PTAR1: variants seen among roughly 807,000 people sequenced by gnomAD.
PTAR1 encodes the protein protein prenyltransferase alpha subunit repeat-containing protein 1.
PTAR1 carries 17 observed loss-of-function variants against 45.5 expected under a neutral mutation model. That is an observed-to-expected ratio of 0.37 (90% CI 0.26 to 0.56). The LOEUF is 0.56. PTAR1 is among the 20% of genes least tolerant of loss of function. PTAR1 has a pLI of 0.77. For synonymous variants in PTAR1, 169 were observed against 171.3 expected, an observed-to-expected ratio of 0.99 and a Z score of 0.11; for missense variants, 391 against 476.3, an observed-to-expected ratio of 0.82 and a Z score of 1.67.
At chr9:69,751,795 A>G (rs758432507) in intron 1 of PTAR1, among the ~76,000 whole-genome samples, 3 of 152,120 alleles carry the variant, frequency 2.0e-5, no homozygotes, top group African/African-American at 4.8e-5. Flanking sequence ...TTAAAACACA[A>G]AATACATTTC....
At chr9:69,731,539 G>A (rs1825537234) in intron 5 of PTAR1, among the ~76,000 whole-genome samples, 1 of 152,188 alleles carries the variant, frequency 6.6e-6, no homozygotes, top group African/African-American at 2.4e-5. Context: ...TTTCTAAACT[G>A]AAAGGATTAG....
chr9:69,738,795 T>C (rs1825906465), intron 3 of PTAR1, among the ~76,000 whole-genome samples: 1 of 143,224 alleles, frequency 7.0e-6, no homozygotes, highest in Admixed American at 7.9e-5. Flanking sequence ...AAAAAAAATT[T>C]CCCTAACACC....
At chr9:69,758,905 G>T (rs1826936997) in intron 1 of PTAR1, among the ~76,000 whole-genome samples, 1 of 148,796 alleles carries the variant, frequency 6.7e-6, no homozygotes, top group African/African-American at 2.5e-5. Flanking sequence ...TAAAATGAAA[G>T]TAATGCAGAA....
At chr9:69,730,104 A>C (rs1320299864) in intron 5 of PTAR1, among the ~76,000 whole-genome samples, 1 of 152,164 alleles carries the variant, frequency 6.6e-6, no homozygotes, top group Non-Finnish European at 1.5e-5. Context: ...CCAATGGCTT[A>C]TAACAACAGA....
chr9:69,721,929 A>G (rs1825029719), intron 6 of PTAR1, among the ~76,000 whole-genome samples: 1 of 152,136 alleles, frequency 6.6e-6, no homozygotes, highest in South Asian at 2.1e-4. Flanking sequence ...CTTTATTGCT[A>G]TATTCACTTT....
At chr9:69,731,383 T>G (rs1434579124) in intron 5 of PTAR1, among the ~76,000 whole-genome samples, 1 of 152,180 alleles carries the variant, frequency 6.6e-6, no homozygotes, top group African/African-American at 2.4e-5. Flanking sequence ...TATGGCACTG[T>G]GACGCCATCA....
chr9:69,725,894 C>T (rs1398188806), intron 5 of PTAR1, among the ~76,000 whole-genome samples: 5 of 151,958 alleles, frequency 3.3e-5, no homozygotes, highest in Admixed American at 6.6e-5. Context: ...AAATGACCTT[C>T]GTATGATATA....
intron 2 of PTAR1, among the ~76,000 whole-genome samples, chr9:69,747,589 T>C (rs900764953): frequency 3.3e-5 from 5 of 152,302 alleles, no homozygotes; most frequent in Non-Finnish European, 5.9e-5. Flanking sequence ...ACTAACACTC[T>C]GCCGCAGTGT....
intron 2 of PTAR1, among the ~76,000 whole-genome samples, chr9:69,746,616 A>C (rs1362041315): frequency 2.0e-5 from 3 of 152,232 alleles, no homozygotes; most frequent in Admixed American, 1.3e-4. Context: ...GTCTCTCTCC[A>C]AACAACAGAA....
intron 1 of PTAR1, among the ~76,000 whole-genome samples, chr9:69,759,241 C>T (rs1011761585): frequency 6.6e-6 from 1 of 152,176 alleles, no homozygotes; most frequent in African/African-American, 2.4e-5. Flanking sequence ...GTTTCATTTG[C>T]TTTATCCCAG....
intron 5 of PTAR1, among the ~76,000 whole-genome samples, chr9:69,727,747 TGTAA>T (rs1164675435): frequency 2.0e-5 from 3 of 152,204 alleles, no homozygotes; most frequent in East Asian, 1.9e-4. Flanking sequence ...TTAATAAACA[TGTAA>T]GTATCTAATG....
At chr9:69,731,801 C>T (rs916792243) in intron 5 of PTAR1, 1 of 252,116 alleles carries the variant, frequency 4.0e-6, no homozygotes, top group African/African-American at 2.3e-5. Context: ...GTCACATAAC[C>T]AAACACTACC....
At chr9:69,733,583 T>C (rs1825646974) in intron 4 of PTAR1, among the ~76,000 whole-genome samples, 2 of 152,184 alleles carry the variant, frequency 1.3e-5, no homozygotes, top group South Asian at 2.1e-4. Context: ...ATCTGTCCCA[T>C]GCTTTTAACC....
At chr9:69,759,831 G>A (rs982023033) in intron 1 of PTAR1, 22 bp downstream of exon 1, 73 of 1,512,564 alleles carry the variant, frequency 4.8e-5, no homozygotes, top group Non-Finnish European at 6.2e-5. Flanking sequence ...ACCCTCGGAG[G>A]CGGCGGAGGC....
chr9:69,725,152 C>A (rs1405896912), intron 5 of PTAR1, among the ~76,000 whole-genome samples: 2 of 152,070 alleles, frequency 1.3e-5, no homozygotes, highest in East Asian at 3.8e-4. Flanking sequence ...GGCATGGCTT[C>A]TTAACATGGA....
Position 69,712,514 on chromosome 9 carries a change from T to A in PTAR1, c.*5828A>T, listed in dbSNP as rs1369038810. ...TATTTTATGCAAAATGGTATATTTT[T>A]CCCAAAGCTAAGAATATGGACAATG... On this transcript the variant is annotated 3_prime_UTR_variant, in exon 8 of 8. Coordinates refer to ENST00000340434, the MANE Select transcript of PTAR1 (RefSeq NM_001099666.2). 1 of 152,172 alleles carries A rather than the reference T, an allele frequency of 6.6e-6. No homozygotes were observed. Among genetic ancestry groups the A allele is most frequent in the Non-Finnish European group, 1.5e-5 (1 of 68,002 alleles). 9.4% of individuals were successfully genotyped at this position (152,172 alleles called of 1,614,324 possible). A position where few individuals can be genotyped will look rare whatever the true frequency, so the allele number is the denominator to read the frequency against.
intron 2 of PTAR1, among the ~76,000 whole-genome samples, chr9:69,750,165 T>C (rs1826457878): frequency 6.6e-6 from 1 of 151,380 alleles, no homozygotes; most frequent in African/African-American, 2.4e-5. Context: ...TGATTAGGGA[T>C]TGTCTGATGC....
Position 69,710,473 on chromosome 9 carries a change from A to G in PTAR1, c.*7869T>C, listed in dbSNP as rs566766548. ...ATGTGGACATAGATAATCTACAGTC[A>G]TTACATTAGCCTTAGAATTTAGCAT... On this transcript the variant is annotated 3_prime_UTR_variant, in exon 8 of 8. Transcript: ENST00000340434. 1 of 152,238 alleles carries G rather than the reference A, an allele frequency of 6.6e-6. No individual in the cohort carries two copies. The highest frequency in any genetic ancestry group is 2.1e-4 in the South Asian group (1 of 4,834). The allele number at this position is 152,238 out of a possible 1,614,324, so 9.4% of individuals were successfully genotyped here. A position where few individuals can be genotyped will look rare whatever the true frequency, so the allele number is the denominator to read the frequency against.
chr9:69,732,689 C>T (rs11140036), intron 4 of PTAR1, among the ~76,000 whole-genome samples: 1 of 151,718 alleles, frequency 6.6e-6, no homozygotes, highest in Non-Finnish European at 1.5e-5. Context: ...TGTGTGTGGT[C>T]GTGGTGAGAG....
Sources: gnomAD v4.1 joint callset for allele counts (sites outside exome capture counted in the v4.1 genomes callset) on GRCh38, gnomAD v4.1.1 for gene constraint, MANE v1.5 for transcripts, NCBI Gene and HGNC (gene_info 2026-07-23, HGNC 2026-07-21) for gene names.